The following KIAA0930 variants were observed in gnomAD, a reference collection of about 807,000 sequenced individuals.
KIAA0930 encodes the protein uncharacterized protein KIAA0930.
Under a neutral mutation model 43.9 loss-of-function variants are expected in KIAA0930, and 24 were observed. That is an observed-to-expected ratio of 0.55 (90% CI 0.40 to 0.77). The LOEUF (loss-of-function observed/expected upper bound fraction) is 0.77, where lower values mean the gene tolerates loss of function less well. Among genes scored for constraint, KIAA0930 ranks in the 30% least tolerant of loss-of-function variants. KIAA0930 has a pLI of 0.00. For missense variants in KIAA0930, 461 were observed against 574.2 expected, an observed-to-expected ratio of 0.80 and a Z score of 2.02; for synonymous variants, 259 against 216.4, an observed-to-expected ratio of 1.20 and a Z score of -1.73.
At chr22:45,225,576 G>C (rs895336901) in intron 1 of KIAA0930, among the ~76,000 whole-genome samples, 13 of 152,166 alleles carry the variant, frequency 8.5e-5, no homozygotes, top group African/African-American at 2.9e-4. Flanking sequence ...CCCCTGGAGA[G>C]CCTTGCTCCC....
intron 2 of KIAA0930, among the ~76,000 whole-genome samples, chr22:45,211,686 T>C (rs2083694804): frequency 1.3e-5 from 2 of 152,216 alleles, no homozygotes; most frequent in South Asian, 4.1e-4. Flanking sequence ...GTCTCTGATC[T>C]GTTTCCTCAA....
At chr22:45,211,541 A>T (rs1249068671) in intron 2 of KIAA0930, 2 of 443,112 alleles carry the variant, frequency 4.5e-6, no homozygotes, top group African/African-American at 4.0e-5. Context: ...GGGCTCAGTA[A>T]GTGGAAGGCA....
chr22:45,237,671 T>C (rs1233929680), intron 1 of KIAA0930, among the ~76,000 whole-genome samples: 1 of 152,196 alleles, frequency 6.6e-6, no homozygotes, highest in African/African-American at 2.4e-5. Context: ...AACAAAAATC[T>C]GGGAGATTTA....
Position 45,199,876 on chromosome 22 carries a change from C to T in KIAA0930, c.1012G>A (p.Gly338Arg), listed in dbSNP as rs774397499. 7.0e-6 allele frequency: 11 copies of T among 1,573,732 alleles called. No individual in the cohort carries two copies. The East Asian group carries it at 2.1e-4, about 30-fold the overall frequency. ...SEEFFREDDG[G>R]ADLHNATNLR... is the part of the protein sequence containing the mutation. The stretch of plus-strand genomic sequence containing the variant: ...AGGGCACGGAGTGGGGGGTCACCTC[C>T]ACCGTCGTCCTCCCGGAAGAACTCC... Residue 338 changes from glycine (G) to arginine (R), a missense_variant, in exon 8 of 10, where the codon GGA becomes AGA. Physicochemically the swap from Gly to Arg is moderately radical, Grantham distance 125 (BLOSUM62 -2). Coordinates refer to ENST00000336156, the MANE Select transcript of KIAA0930 (RefSeq NM_001009880.2).
At chr22:45,201,301 G>A (rs545865270) in intron 7 of KIAA0930, among the ~76,000 whole-genome samples, 1 of 152,336 alleles carries the variant, frequency 6.6e-6, no homozygotes, top group East Asian at 1.9e-4. Flanking sequence ...CCAGGGGCCA[G>A]CCCTGCTGCT....
At chr22:45,233,988 C>A (rs1018823031) in intron 1 of KIAA0930, among the ~76,000 whole-genome samples, 35 of 152,216 alleles carry the variant, frequency 2.3e-4, no homozygotes, top group Admixed American at 1.6e-3. Context: ...TGCACCAGGG[C>A]TTCCCCAATC....
At chr22:45,198,657 TTTTG>T (rs564151834) in intron 8 of KIAA0930, among the ~76,000 whole-genome samples, 253 of 152,310 alleles carry the variant, frequency 1.7e-3, no homozygotes, top group African/African-American at 5.8e-3. Context: ...CGTCGTTTTT[TTTTG>T]TTTGTTTTGA....
intron 1 of KIAA0930, among the ~76,000 whole-genome samples, chr22:45,225,711 C>T (rs1312977920): frequency 6.6e-6 from 1 of 152,218 alleles, no homozygotes; most frequent in African/African-American, 2.4e-5. Flanking sequence ...GGGGTGCCTT[C>T]CTTACCACCC....
intron 1 of KIAA0930, among the ~76,000 whole-genome samples, chr22:45,215,400 G>A (rs974194398): frequency 5.9e-5 from 9 of 152,232 alleles, no homozygotes; most frequent in Non-Finnish European, 1.3e-4. Context: ...AAGCTAAAGA[G>A]CATTTTCTCA....
intron 1 of KIAA0930, among the ~76,000 whole-genome samples, chr22:45,236,800 G>A (rs2083891023): frequency 6.6e-6 from 1 of 152,206 alleles, no homozygotes; most frequent in Non-Finnish European, 1.5e-5. Flanking sequence ...TTACTCCAAA[G>A]ACAAAAGGAA....
intron 1 of KIAA0930, among the ~76,000 whole-genome samples, chr22:45,227,769 T>G (rs1055180617): frequency 2.0e-5 from 3 of 152,330 alleles, no homozygotes; most frequent in South Asian, 2.1e-4. Context: ...ACGCAGAGCC[T>G]TCTTCTTGTC....
Position 45,205,993 on chromosome 22 carries a change from C to T in KIAA0930, c.217-81G>A, listed in dbSNP as rs966590207. The stretch of plus-strand genomic sequence containing the variant: ...TTCCCTGACTACTATGCAGGCATTA[C>T]GATGGACAAGGACTCCAATTCTTTT... On this transcript the variant is annotated intron_variant, in intron 2 of 9. Transcript: ENST00000336156. The T allele has an allele frequency of 3.3e-5, 51 of 1,563,754 alleles. No individual in the cohort carries two copies. In the East Asian group the frequency reaches 5.6e-4, roughly 17 times the overall value.
intron 1 of KIAA0930, among the ~76,000 whole-genome samples, chr22:45,229,599 G>C (rs947294000): frequency 6.6e-6 from 1 of 152,192 alleles, no homozygotes; most frequent in Non-Finnish European, 1.5e-5. Context: ...GGGTCAGGAA[G>C]AGGCCACAGA....
At chr22:45,238,643 T>C (rs1326926398) in intron 1 of KIAA0930, among the ~76,000 whole-genome samples, 2 of 152,128 alleles carry the variant, frequency 1.3e-5, no homozygotes, top group Non-Finnish European at 2.9e-5. Flanking sequence ...CAGCAGGTTT[T>C]CTCTGCTTCA....
chr22:45,214,011 G>A (rs1232507062), intron 1 of KIAA0930, among the ~76,000 whole-genome samples: 1 of 150,492 alleles, frequency 6.6e-6, no homozygotes, highest in Non-Finnish European at 1.5e-5. Flanking sequence ...ACTCCATCTC[G>A]GAAATAAATA....
At chr22:45,201,184 A>G (rs868479887) in intron 7 of KIAA0930, among the ~76,000 whole-genome samples, 1 of 152,254 alleles carries the variant, frequency 6.6e-6, no homozygotes, top group Non-Finnish European at 1.5e-5. Context: ...TAAAAGAAAC[A>G]AACAGCAGCA....
intron 1 of KIAA0930, among the ~76,000 whole-genome samples, chr22:45,238,083 G>T (rs150613573): frequency 6.6e-6 from 1 of 151,856 alleles, no homozygotes; most frequent in African/African-American, 2.4e-5. Context: ...ACCACGCCTG[G>T]CTAATTTTTT....
chr22:45,224,003 G>A (rs2083844668), intron 1 of KIAA0930, among the ~76,000 whole-genome samples: 1 of 152,182 alleles, frequency 6.6e-6, no homozygotes, highest in Admixed American at 6.5e-5. Context: ...TGGCCTCTGG[G>A]GAGAAAAACT....
At chr22:45,208,437 CCAA>C (rs2083659723) in intron 2 of KIAA0930, among the ~76,000 whole-genome samples, 2 of 95,434 alleles carry the variant, frequency 2.1e-5, no homozygotes, top group Non-Finnish European at 2.6e-5. Context: ...CAGGCAGAAC[CCAA>C]CTCCACACGC....
Sources: allele counts gnomAD v4.1 joint callset (sites outside exome capture counted in the v4.1 genomes callset), GRCh38; gene constraint gnomAD v4.1.1; transcripts MANE v1.5; gene names NCBI Gene and HGNC (gene_info 2026-07-23, HGNC 2026-07-21).